Variants in BNC2 observed in about 807,000 individuals in gnomAD.
BNC2 encodes the protein basonuclin zinc finger protein 2.
Under a neutral mutation model 76.3 loss-of-function variants are expected in BNC2, and 20 were observed. The ratio of observed to expected loss-of-function variants is 0.26; its 90% CI spans 0.18 to 0.38. The LOEUF is 0.38. BNC2 is among the 10% of genes least tolerant of loss of function. BNC2 has a pLI of 1.00. For missense variants in BNC2, 1,382 were observed against 1,399.8 expected (o/e 0.99, Z 0.20); for synonymous variants, 582 against 514.8 (o/e 1.13, Z -1.77).
At chr9:16,798,174 A>G (rs1817700935) in intron 1 of BNC2, among the ~76,000 whole-genome samples, 1 of 152,156 alleles carries the variant, frequency 6.6e-6, no homozygotes, top group African/African-American at 2.4e-5. Context: ...AAAATGAACT[A>G]TTTTCAAGTT....
Position 16,808,887 on chromosome 9 carries a change from TA to T in BNC2, c.3+61758del, listed in dbSNP as rs368655069. 3.1e-3 allele frequency among the ~76,000 whole-genome samples: 474 copies of T among 152,058 alleles called. 1 individual carries two copies. The highest frequency in any genetic ancestry group is 9.4e-3 in the South Asian group (45 of 4,810). On this transcript the variant is annotated intron_variant, in intron 1 of 6. Coordinates refer to ENST00000380672, the MANE Select transcript of BNC2 (RefSeq NM_017637.6). ...TGGTGACTGGGACAGGAAAAGAACA[TA>T]AATCTCCTACTTCCCAGACCAAAAA...
chr9:16,632,896 G>A (rs1038056513), intron 3 of BNC2, among the ~76,000 whole-genome samples: 4 of 152,036 alleles, frequency 2.6e-5, no homozygotes, highest in African/African-American at 9.7e-5. Flanking sequence ...CAATATAATC[G>A]AGTTTTATAG....
intron 6 of BNC2, chr9:16,421,262 C>T (rs1820703851): frequency 7.7e-7 from 1 of 1,300,168 alleles, no homozygotes; most frequent in African/African-American, 1.5e-5. Flanking sequence ...CTGAGCTTAC[C>T]TTGTGACAAT....
intron 1 of BNC2, among the ~76,000 whole-genome samples, chr9:16,829,580 C>A (rs951357872): frequency 1.3e-5 from 2 of 152,144 alleles, no homozygotes; most frequent in Non-Finnish European, 2.9e-5. Context: ...CACATTCTCA[C>A]CTTAGTTCCT....
At chr9:16,617,539 A>C (rs114693483) in intron 3 of BNC2, among the ~76,000 whole-genome samples, 1,719 of 152,104 alleles carry the variant, frequency 0.011, 20 homozygotes, top group Non-Finnish European at 0.016. Context: ...AAAAAAAAAA[A>C]AAAAACCACG....
intron 3 of BNC2, among the ~76,000 whole-genome samples, chr9:16,621,690 C>A (rs561664394): frequency 6.6e-6 from 1 of 152,064 alleles, no homozygotes; most frequent in African/African-American, 2.4e-5. Context: ...AGACCTAAGC[C>A]ATCCAATATG....
At chr9:16,866,286 T>C (rs1192559189) in intron 1 of BNC2, among the ~76,000 whole-genome samples, 1 of 152,182 alleles carries the variant, frequency 6.6e-6, no homozygotes, top group African/African-American at 2.4e-5. Context: ...TAGTTTAACA[T>C]TTATGCTTAT....
intron 5 of BNC2, 88 bp downstream of exon 5, chr9:16,552,441 GC>G: frequency 9.3e-7 from 1 of 1,072,482 alleles, no homozygotes; most frequent in South Asian, 1.3e-5. Context: ...AGGGTGTGCA[GC>G]CCTTCCTGCG....
intron 5 of BNC2, among the ~76,000 whole-genome samples, chr9:16,522,326 G>C (rs780542578): frequency 1.3e-5 from 2 of 152,122 alleles, no homozygotes; most frequent in South Asian, 2.1e-4. Context: ...TGGCTGCCAC[G>C]GCCTCTTCCT....
intron 1 of BNC2, among the ~76,000 whole-genome samples, chr9:16,862,469 G>A (rs1028583892): frequency 6.6e-6 from 1 of 152,136 alleles, no homozygotes; most frequent in African/African-American, 2.4e-5. Context: ...GAGAACACAG[G>A]CTATCAAAAG....
intron 3 of BNC2, among the ~76,000 whole-genome samples, chr9:16,724,660 T>C (rs979753340): frequency 6.6e-6 from 1 of 152,126 alleles, no homozygotes; most frequent in African/African-American, 2.4e-5. Context: ...TGATTATTTG[T>C]TACTATTAGA....
chr9:16,519,698 T>C (rs1364627406), intron 5 of BNC2, among the ~76,000 whole-genome samples: 1 of 152,238 alleles, frequency 6.6e-6, no homozygotes, highest in Non-Finnish European at 1.5e-5. Flanking sequence ...AACTACCATT[T>C]TCTCCAGTTT....
chr9:16,717,346 GA>G (rs367693360), intron 3 of BNC2, among the ~76,000 whole-genome samples: 14 of 151,416 alleles, frequency 9.2e-5, no homozygotes, highest in South Asian at 2.1e-4. Flanking sequence ...TAGCTTTAGG[GA>G]AAAAAAATGG....
At chr9:16,840,779 T>A (rs1457538270) in intron 1 of BNC2, among the ~76,000 whole-genome samples, 1 of 152,176 alleles carries the variant, frequency 6.6e-6, no homozygotes, top group Non-Finnish European at 1.5e-5. Context: ...TTTCAGCAGT[T>A]CTAATGTCAA....
At chr9:16,711,473 G>C (rs1375026237) in intron 3 of BNC2, among the ~76,000 whole-genome samples, 1 of 152,176 alleles carries the variant, frequency 6.6e-6, no homozygotes, top group African/African-American at 2.4e-5. Context: ...AAAAAGAACA[G>C]CATGAAGTGA....
chr9:16,600,610 T>C (rs1297878895), intron 3 of BNC2, among the ~76,000 whole-genome samples: 1 of 152,198 alleles, frequency 6.6e-6, no homozygotes, highest in East Asian at 1.9e-4. Context: ...AAAAACATCA[T>C]TTTTAATGTT....
intron 1 of BNC2, among the ~76,000 whole-genome samples, chr9:16,772,957 T>C (rs373481373): frequency 2.6e-5 from 4 of 152,330 alleles, no homozygotes; most frequent in African/African-American, 9.6e-5. Flanking sequence ...CTTTCATTAC[T>C]GTGATGCTGT....
chr9:16,419,739 C>T, intron 6 of BNC2, 90 bp from the exon 7 acceptor site: 1 of 833,222 alleles, frequency 1.2e-6, no homozygotes, highest in South Asian at 1.4e-5. Flanking sequence ...ATTCAGCTTT[C>T]ACTAGGTATC....
At chr9:16,438,318 CAT>C (rs894631634) in intron 5 of BNC2, among the ~76,000 whole-genome samples, 11 of 152,102 alleles carry the variant, frequency 7.2e-5, no homozygotes, top group Admixed American at 2.0e-4. Flanking sequence ...AAAAAGTAAA[CAT>C]GTGATGGATT....
Sources: gnomAD v4.1 joint callset for allele counts (sites outside exome capture counted in the v4.1 genomes callset) on GRCh38, gnomAD v4.1.1 for gene constraint, MANE v1.5 for transcripts, NCBI Gene and HGNC (gene_info 2026-07-23, HGNC 2026-07-21) for gene names.